The following SLC4A5 variants were observed in gnomAD, a reference collection of about 807,000 sequenced individuals.
The protein encoded by SLC4A5 is electrogenic sodium bicarbonate cotransporter 4.
Under a neutral mutation model 120.4 loss-of-function variants are expected in SLC4A5, and 96 were observed. The ratio of observed to expected loss-of-function variants is 0.80; its 90% CI spans 0.68 to 0.94. The LOEUF is 0.94. Among genes scored for constraint, SLC4A5 ranks in the 40% least tolerant of loss-of-function variants. The pLI is 0.00. For synonymous variants in SLC4A5, 550 were observed against 571.1 expected (o/e 0.96, Z 0.53); for missense variants, 1,259 against 1,459.5 (o/e 0.86, Z 2.24).
At position 74,232,456 on chromosome 2, in the gene SLC4A5, T is replaced by C. The variant is rs1670122226; in HGVS notation, c.2774+13A>G. Reference sequence around the variant, plus strand: ...TCCCCATTGGGTGATCCCTAGGCCCTGACCCCTCCTACCTGACTCCCAGAA... The same window carrying C: ...TCCCCATTGGGTGATCCCTAGGCCCCGACCCCTCCTACCTGACTCCCAGAA... On this transcript the variant is annotated intron_variant, in intron 24 of 30. Coordinates refer to ENST00000394019, the Ensembl canonical transcript of SLC4A5. 3 of 1,613,340 alleles carry C rather than the reference T, an allele frequency of 1.9e-6. No homozygotes were observed. Among genetic ancestry groups the C allele is most frequent in the Non-Finnish European group, 2.5e-6 (3 of 1,179,656 alleles).
exon 21 of SLC4A5, chr2:74,239,518 G>A (rs768546526): frequency 1.9e-6 from 3 of 1,613,940 alleles, no homozygotes; most frequent in Non-Finnish European, 2.5e-6. Flanking sequence ...CCAACGCTGT[G>A]AGGTTAAGGA....
At chr2:74,253,162 C>A in intron 14 of SLC4A5, 34 bp from the exon 15 acceptor site, 1 of 1,612,554 alleles carries the variant, frequency 6.2e-7, no homozygotes, top group Non-Finnish European at 8.5e-7. Flanking sequence ...AAAGAAAGAT[C>A]GGGTCTGTTT....
At chr2:74,269,709 G>T (rs1671415134) in intron 8 of SLC4A5, among the ~76,000 whole-genome samples, 1 of 152,012 alleles carries the variant, frequency 6.6e-6, no homozygotes, top group Admixed American at 6.6e-5. Context: ...CCCACCTAAA[G>T]GTGTGATGTG....
intron 8 of SLC4A5, among the ~76,000 whole-genome samples, chr2:74,274,042 G>A (rs1175511445): frequency 1.3e-5 from 2 of 152,232 alleles, no homozygotes; most frequent in Non-Finnish European, 2.9e-5. Context: ...GTGCATGCCT[G>A]TAATCCCAGC....
Position 74,219,295 on chromosome 2 carries a change from CTA to C in SLC4A5, c.*34-505_*34-504del, listed in dbSNP as rs576987422. On this transcript the variant is annotated intron_variant, in intron 30 of 30. Transcript: ENST00000394019. ...TGCCTTTTCTTTTCTCTGCCCCGCTCTATGTCTGGCAGATTCCAGTTTCCCTT... is the reference window on the plus strand; with the variant it reads ...TGCCTTTTCTTTTCTCTGCCCCGCTCTGTCTGGCAGATTCCAGTTTCCCTT... Among the ~76,000 whole-genome samples, 39 of 152,008 alleles carry C rather than the reference CTA, an allele frequency of 2.6e-4. No individual in the cohort carries two copies. The East Asian group carries it at 7.5e-3, about 29-fold the overall frequency.
At chr2:74,219,404 CCTTT>C (rs780731521) in intron 30 of SLC4A5, among the ~76,000 whole-genome samples, 6 of 152,192 alleles carry the variant, frequency 3.9e-5, no homozygotes, top group South Asian at 4.2e-4. Flanking sequence ...TGTTTGCATG[CCTTT>C]CTTTCCACAT....
At chr2:74,333,902 A>T (rs993383740) in intron 4 of SLC4A5, 125 bp downstream of exon 4, 3 of 152,118 alleles carry the variant, frequency 2.0e-5, no homozygotes, top group African/African-American at 7.2e-5. Flanking sequence ...GCAGCTTCCT[A>T]CCCTGGAAAG....
intron 8 of SLC4A5, among the ~76,000 whole-genome samples, chr2:74,281,002 T>A (rs1353730445): frequency 6.6e-6 from 1 of 152,186 alleles, no homozygotes; most frequent in Admixed American, 6.5e-5. Flanking sequence ...AGGATCTTAA[T>A]GAGGGTGATT....
intron 13 of SLC4A5, 32 bp from the exon 14 acceptor site, chr2:74,254,738 G>C (rs372080568): frequency 6.8e-7 from 1 of 1,473,600 alleles, no homozygotes; most frequent in African/African-American, 1.4e-5. Flanking sequence ...AGACAGAGAA[G>C]ATTAAGGAAG....
At chr2:74,300,815 G>A (rs1672458343) in intron 7 of SLC4A5, among the ~76,000 whole-genome samples, 1 of 152,202 alleles carries the variant, frequency 6.6e-6, no homozygotes, top group Non-Finnish European at 1.5e-5. Flanking sequence ...TCCATGTAGC[G>A]CATGGAGCCA....
intron 13 of SLC4A5, among the ~76,000 whole-genome samples, chr2:74,254,914 G>A (rs984284716): frequency 6.6e-5 from 10 of 151,510 alleles, no homozygotes. Flanking sequence ...CCACCTCCTA[G>A]GCTCAAGTGA....
chr2:74,223,650 G>A (rs566878852), intron 28 of SLC4A5, among the ~76,000 whole-genome samples: 11 of 152,294 alleles, frequency 7.2e-5, no homozygotes, highest in African/African-American at 2.2e-4. Context: ...TCCCAACCCT[G>A]TAATAGTTCT....
At chr2:74,227,946 G>T in intron 25 of SLC4A5, 68 bp from the exon 26 acceptor site, 2 of 1,229,478 alleles carry the variant, frequency 1.6e-6, no homozygotes, top group African/African-American at 1.5e-5. Flanking sequence ...TGTTCTGGAT[G>T]ACAGTGGCTC....
At chr2:74,300,846 C>A (rs1672459329) in intron 7 of SLC4A5, among the ~76,000 whole-genome samples, 1 of 152,218 alleles carries the variant, frequency 6.6e-6, no homozygotes, top group Non-Finnish European at 1.5e-5. Flanking sequence ...GACAAGGATG[C>A]CTGGGCTGGC....
chr2:74,329,511 C>T (rs1359512490), intron 4 of SLC4A5, among the ~76,000 whole-genome samples: 4 of 152,156 alleles, frequency 2.6e-5, no homozygotes, highest in African/African-American at 4.8e-5. Context: ...ATTGCTTGAA[C>T]CCAGGAGGCG....
chr2:74,271,474 AAAGT>A (rs1234153244), intron 8 of SLC4A5, among the ~76,000 whole-genome samples: 34 of 152,342 alleles, frequency 2.2e-4, no homozygotes, highest in African/African-American at 7.9e-4. Flanking sequence ...TATCCTAGGT[AAAGT>A]TTCTAACTTC....
chr2:74,259,846 A>C (rs1282128936), intron 11 of SLC4A5, among the ~76,000 whole-genome samples: 1 of 152,178 alleles, frequency 6.6e-6, no homozygotes, highest in Non-Finnish European at 1.5e-5. Flanking sequence ...GTTAGACTCC[A>C]GTTTCCACTG....
chr2:74,225,101 G>T, intron 27 of SLC4A5, 106 bp from the exon 28 acceptor site: 9 of 1,101,604 alleles, frequency 8.2e-6, no homozygotes, highest in East Asian at 2.5e-5. Context: ...GCTGAGTTCA[G>T]GGACTTTTTG....
intron 19 of SLC4A5, among the ~76,000 whole-genome samples, chr2:74,243,607 G>T (rs763116937): frequency 6.6e-6 from 1 of 152,172 alleles, no homozygotes; most frequent in Non-Finnish European, 1.5e-5. Flanking sequence ...CTGGCTCAGG[G>T]CTTCTCATTC....
Sources: gnomAD v4.1 joint callset for allele counts (sites outside exome capture counted in the v4.1 genomes callset) on GRCh38, gnomAD v4.1.1 for gene constraint, MANE v1.5 for transcripts, NCBI Gene and HGNC (gene_info 2026-07-23, HGNC 2026-07-21) for gene names.